The following MCUR1 variants were observed in gnomAD, a reference collection of about 807,000 sequenced individuals.
MCUR1 encodes the protein mitochondrial calcium uniporter regulator 1.
In MCUR1, 37 loss-of-function variants were observed where a neutral mutation model predicts 42.0. The observed-to-expected ratio is 0.88, with a 90% CI of 0.68 to 1.16. MCUR1 has a LOEUF of 1.16. MCUR1 is among the 50% of genes most tolerant of loss of function. MCUR1 has a pLI of 0.00. For missense variants in MCUR1, 469 were observed against 468.4 expected, an observed-to-expected ratio of 1.00 and a Z score of -0.01; for synonymous variants, 229 against 196.2, an observed-to-expected ratio of 1.17 and a Z score of -1.40.
intron 7 of MCUR1, among the ~76,000 whole-genome samples, chr6:13,793,439 G>T (rs552001193): frequency 6.6e-6 from 1 of 152,244 alleles, no homozygotes; most frequent in East Asian, 1.9e-4. Flanking sequence ...GCCTTAAAAA[G>T]GAAGAAAGTC....
chr6:13,800,337 T>C lies in MCUR1; in HGVS notation c.783+4A>G. 1 of 1,563,444 alleles carries C rather than the reference T, an allele frequency of 6.4e-7. No individual in the cohort carries two copies. The highest frequency in any genetic ancestry group is 8.7e-7 in the Non-Finnish European group (1 of 1,146,944). ...CAGCCAACAAACAGGAAAGTGAATC[T>C]TACCATTACTTGTTGTTTTAACTGA... On this transcript the variant is annotated splice_donor_region_variant and intron_variant, in intron 5 of 8. Coordinates refer to ENST00000379170, the MANE Select transcript of MCUR1 (RefSeq NM_001031713.4).
intron 6 of MCUR1, among the ~76,000 whole-genome samples, 195 bp from the exon 7 acceptor site, chr6:13,794,142 G>A (rs1281198565): frequency 6.6e-6 from 1 of 151,108 alleles, no homozygotes; most frequent in Non-Finnish European, 1.5e-5. Flanking sequence ...CCATAGAGAT[G>A]GGGCTTTGCC....
chr6:13,807,108 C>T, intron 1 of MCUR1, 64 bp from the exon 2 acceptor site: 1 of 1,520,532 alleles, frequency 6.6e-7, no homozygotes, highest in Middle Eastern at 1.8e-4. Context: ...ACTCAGCACC[C>T]AGAGAAAATA....
At chr6:13,799,822 ATTTT>A (rs1759948596) in intron 5 of MCUR1, among the ~76,000 whole-genome samples, 1 of 129,150 alleles carries the variant, frequency 7.7e-6, no homozygotes, top group Non-Finnish European at 1.6e-5. Flanking sequence ...CTAGAACACA[ATTTT>A]CTTTTTTTTT....
chr6:13,798,021 T>A (rs1195549524), intron 6 of MCUR1, among the ~76,000 whole-genome samples: 2 of 151,396 alleles, frequency 1.3e-5, no homozygotes, highest in African/African-American at 4.9e-5. Context: ...AGACTCTGTC[T>A]CAAAAAAAAC....
At chr6:13,803,952 T>G in intron 2 of MCUR1, 3 of 931,256 alleles carry the variant, frequency 3.2e-6, no homozygotes, top group Non-Finnish European at 3.8e-6. Flanking sequence ...GGCAACATAG[T>G]GATCCCATCT....
chr6:13,809,732 A>AC (rs1297582688), intron 1 of MCUR1, among the ~76,000 whole-genome samples: 1 of 151,616 alleles, frequency 6.6e-6, no homozygotes, highest in East Asian at 1.9e-4. Flanking sequence ...CCTCTCAAAA[A>AC]AAAAAAAAAA....
At chr6:13,794,877 CT>C (rs1218416274) in intron 6 of MCUR1, among the ~76,000 whole-genome samples, 2 of 152,234 alleles carry the variant, frequency 1.3e-5, no homozygotes, top group Admixed American at 1.3e-4. Flanking sequence ...AGTATCTCGC[CT>C]TTTGGCTATT....
In MCUR1 at chr6:13,814,250, G is replaced by A. The variant is rs1760315793; in HGVS notation, c.180C>T (p.Arg60=). The part of the protein sequence containing the change: ...GALRPRAPAA[R]GGVSRASPLL... ...GCGGTGAGGCACGTGACACGCCGCC[G>A]CGGGCCGCCGGGGCGCGAGGGCGCA... The change falls in exon 1 of 9, where the codon CGC becomes CGT. Residue 60 remains arginine, a synonymous_variant. Transcript: ENST00000379170. 4.8e-6 allele frequency: 7 copies of A among 1,472,546 alleles called. No homozygotes were observed. In the East Asian group the frequency reaches 1.2e-4, roughly 25 times the overall value. The allele number at this position is 1,472,546 out of a possible 1,614,324, so 91.2% of individuals were successfully genotyped here. A position where few individuals can be genotyped will look rare whatever the true frequency, so the allele number is the denominator to read the frequency against.
intron 2 of MCUR1, 141 bp downstream of exon 2, chr6:13,806,784 G>A: frequency 9.4e-7 from 1 of 1,063,592 alleles, no homozygotes; most frequent in African/African-American, 1.6e-5. Context: ...GCCAGAGCCT[G>A]TCTCTAAATA....
rs554976842 is a variant in MCUR1 at position 13,794,117 on chromosome 6, C to CT, written c.856-171dup. Among the ~76,000 whole-genome samples the CT allele has an allele frequency of 2.0e-3, 281 of 141,856 alleles. 1 individual carries two copies. In the South Asian group the frequency reaches 0.02, roughly 10 times the overall value. The allele number at this position is 141,856 out of a possible 152,430, so 93.1% of individuals were successfully genotyped here. On this transcript the variant is annotated intron_variant, in intron 6 of 8. Transcript: ENST00000379170. Reference sequence around the variant, plus strand: ...TCTTTATATGTGTTACTTGAGGTTTCTTTTTTTTTTTTTTCCATAGAGATG... The same window carrying CT: ...TCTTTATATGTGTTACTTGAGGTTTCTTTTTTTTTTTTTTTCCATAGAGATG...
intron 3 of MCUR1, 111 bp from the exon 4 acceptor site, chr6:13,801,500 A>C: frequency 1.4e-6 from 1 of 721,772 alleles, no homozygotes; most frequent in Non-Finnish European, 2.3e-6. Context: ...TGGACACAAA[A>C]AGAGGTTCAG....
chr6:13,799,035 C>T, intron 5 of MCUR1, 131 bp from the exon 6 acceptor site: 1 of 597,874 alleles, frequency 1.7e-6, no homozygotes. Context: ...AGGGAGAGAG[C>T]CAGGGGCTTC....
chr6:13,790,980 T>C, intron 8 of MCUR1, 116 bp from the exon 9 acceptor site: 1 of 693,684 alleles, frequency 1.4e-6, no homozygotes, highest in Non-Finnish European at 2.4e-6. Flanking sequence ...TGCTCACTGA[T>C]GTCCCATATT....
intron 4 of MCUR1, among the ~76,000 whole-genome samples, chr6:13,800,979 G>A (rs1208996572): frequency 6.6e-6 from 1 of 152,072 alleles, no homozygotes; most frequent in Non-Finnish European, 1.5e-5. Flanking sequence ...TAAGACTATA[G>A]ACAATGAAAA....
chr6:13,789,092 G>A lies in MCUR1; in HGVS notation c.*1717C>T, dbSNP rs1759666580. The stretch of plus-strand genomic sequence containing the variant: ...CCATGTCATTGTCTCTCTTGCCCAT[G>A]TGCCAGTAATTTGAATAAGATGAGA... On this transcript the variant is annotated 3_prime_UTR_variant, in exon 9 of 9. Coordinates refer to ENST00000379170, the MANE Select transcript of MCUR1 (RefSeq NM_001031713.4). 1 of 152,184 alleles carries A rather than the reference G, an allele frequency of 6.6e-6. No individual in the cohort carries two copies. Among genetic ancestry groups the A allele is most frequent in the African/African-American group, 2.4e-5 (1 of 41,450 alleles). The allele number at this position is 152,184 out of a possible 1,614,324, so 9.4% of individuals were successfully genotyped here.
rs573846118 is a variant in MCUR1 at position 13,814,296 on chromosome 6, A to G, written c.134T>C (p.Leu45Pro). The change falls in exon 1 of 9, where the codon CTC becomes CCC. Residue 45 changes from leucine (L) to proline (P), a missense_variant. Coordinates refer to ENST00000379170, the MANE Select transcript of MCUR1 (RefSeq NM_001031713.4). ...GCGCAGCGCCCCCAGACCGTCGGAG[A>G]GCGCAGAGAGGCAGCGGCGTGCTGA... ...ETSARRCLSA[L>P]SDGLGALRPR... 2 of 1,499,124 alleles carry G rather than the reference A, an allele frequency of 1.3e-6. No individual in the cohort carries two copies. Among genetic ancestry groups the G allele is most frequent in the East Asian group, 5.6e-5 (2 of 35,864 alleles). 92.9% of individuals were successfully genotyped at this position (1,499,124 alleles called of 1,614,324 possible). A position where few individuals can be genotyped will look rare whatever the true frequency, so the allele number is the denominator to read the frequency against.
At chr6:13,792,728 C>T (rs958219183) in intron 7 of MCUR1, among the ~76,000 whole-genome samples, 1 of 152,112 alleles carries the variant, frequency 6.6e-6, no homozygotes, top group African/African-American at 2.4e-5. Context: ...GCAACTAAAT[C>T]TTTCCCTATG....
intron 8 of MCUR1, 90 bp downstream of exon 8, chr6:13,791,787 TG>T (rs1759732921): frequency 1.3e-6 from 1 of 783,642 alleles, no homozygotes; most frequent in South Asian, 1.8e-5. Context: ...CAGAAAGTGT[TG>T]GAATCAATGA....
Sources: allele counts gnomAD v4.1 joint callset (sites outside exome capture counted in the v4.1 genomes callset), GRCh38; gene constraint gnomAD v4.1.1; transcripts MANE v1.5; gene names NCBI Gene and HGNC (gene_info 2026-07-23, HGNC 2026-07-21).